The following FAM184A variants were observed in gnomAD, a reference collection of about 807,000 sequenced individuals.
FAM184A encodes family with sequence similarity 184 member A, also known as protein FAM184A.
A neutral mutation model predicts 143.8 loss-of-function variants in FAM184A; 99 were observed. The ratio of observed to expected loss-of-function variants is 0.69; its 90% CI spans 0.58 to 0.81. The LOEUF (loss-of-function observed/expected upper bound fraction) is 0.81, where lower values mean the gene tolerates loss of function less well. FAM184A is among the 40% of genes least tolerant of loss of function. FAM184A has a pLI of 0.00. For missense variants in FAM184A, 1,217 were observed against 1,310.5 expected (o/e 0.93, Z 1.10); for synonymous variants, 427 against 446.4 (o/e 0.96, Z 0.55).
chr6:119,123,514 G>T (rs1789282000), intron 1 of FAM184A, among the ~76,000 whole-genome samples: 1 of 152,174 alleles, frequency 6.6e-6, no homozygotes, highest in Admixed American at 6.5e-5. Flanking sequence ...AGCCAATAAT[G>T]ATTATAACTA....
At chr6:119,045,863 C>T (rs1242221502) in intron 1 of FAM184A, among the ~76,000 whole-genome samples, 1 of 152,098 alleles carries the variant, frequency 6.6e-6, no homozygotes, top group African/African-American at 2.4e-5. Flanking sequence ...ACTAATTATG[C>T]TTCTTTTTCT....
upstream of FAM184A, among the ~76,000 whole-genome samples, chr6:119,082,170 G>C (rs1788090743): frequency 6.6e-6 from 1 of 152,202 alleles, no homozygotes; most frequent in Admixed American, 6.5e-5. Context: ...ATTATTTGAA[G>C]GGACTATGCC....
intron 1 of FAM184A, among the ~76,000 whole-genome samples, chr6:119,050,758 T>C (rs1255677079): frequency 1.3e-5 from 2 of 151,632 alleles, no homozygotes; most frequent in African/African-American, 2.4e-5. Flanking sequence ...TGAGCCGAGA[T>C]TGCGCCACTG....
chr6:119,128,478 T>G (rs1789433594), intron 1 of FAM184A, among the ~76,000 whole-genome samples: 1 of 152,160 alleles, frequency 6.6e-6, no homozygotes, highest in Admixed American at 6.5e-5. Context: ...TGTTTGAGAC[T>G]CCTTCTAAGC....
intron 1 of FAM184A, among the ~76,000 whole-genome samples, chr6:119,133,186 T>C (rs1256743983): frequency 6.6e-6 from 1 of 152,180 alleles, no homozygotes; most frequent in Non-Finnish European, 1.5e-5. Flanking sequence ...TGACAAAGTG[T>C]TTGGTGCATA....
chr6:119,058,175 C>CCT (rs1787077831), intron 1 of FAM184A, among the ~76,000 whole-genome samples: 1 of 89,716 alleles, frequency 1.1e-5, no homozygotes, highest in Non-Finnish European at 2.1e-5. Flanking sequence ...CTCCTTCTCT[C>CCT]TTTTTTTTTT....
At chr6:119,033,664 C>CAA (rs532353203) in intron 1 of FAM184A, among the ~76,000 whole-genome samples, 17,048 of 109,876 alleles carry the variant, frequency 0.16, 1,291 homozygotes, top group Non-Finnish European at 0.19. Context: ...GACTCCGTCT[C>CAA]AAAAAAAAAA....
In FAM184A at chr6:119,006,561, G is replaced by A. The variant is rs750862105; in HGVS notation, c.1701C>T (p.Gly567=). The part of the protein sequence containing the change: ...DMVRKSEQGL[G]SAEGLIASLQ... ...GACTAGCAATAAGTCCTTCTGCAGA[G>A]CCAAGACCTTGTTCACTTTTCCTTA... Residue 567 remains glycine (G), a synonymous_variant, in exon 7 of 18, where the codon GGC becomes GGT. Coordinates refer to ENST00000338891, the MANE Select transcript of FAM184A (RefSeq NM_024581.6). 4 of 1,613,668 alleles carry A rather than the reference G, an allele frequency of 2.5e-6. No homozygotes were observed. In the African/African-American group the frequency reaches 5.3e-5, roughly 22 times the overall value.
At chr6:119,043,997 TA>T (rs1359680565) in intron 1 of FAM184A, among the ~76,000 whole-genome samples, 3 of 151,684 alleles carry the variant, frequency 2.0e-5, no homozygotes, top group Non-Finnish European at 4.4e-5. Context: ...AAGAAAACAA[TA>T]AAGATTAGAG....
intron 1 of FAM184A, among the ~76,000 whole-genome samples, chr6:119,059,080 TCCACCTCCCGGGTTCAAGCAATCCTC>T (rs1787122351): frequency 6.6e-6 from 1 of 152,144 alleles, no homozygotes; most frequent in Non-Finnish European, 1.5e-5. Context: ...CACTGCAACC[TCCACCTCCCGGGTTCAAGCAATCCTC>T]CCACCTCAGC....
At chr6:119,015,114 G>C (rs946581304) in intron 5 of FAM184A, among the ~76,000 whole-genome samples, 2 of 151,958 alleles carry the variant, frequency 1.3e-5, no homozygotes, top group African/African-American at 4.8e-5. Flanking sequence ...GCAAATCATT[G>C]CTCTACAATA....
chr6:119,136,180 AG>A (rs1459177657), intron 1 of FAM184A, among the ~76,000 whole-genome samples: 2 of 146,100 alleles, frequency 1.4e-5, no homozygotes. Context: ...CGGGAGGCTG[AG>A]GCAGGAGAAT....
intron 1 of FAM184A, among the ~76,000 whole-genome samples, chr6:119,030,348 T>G (rs1785822670): frequency 6.6e-6 from 1 of 152,136 alleles, no homozygotes; most frequent in Admixed American, 6.5e-5. Flanking sequence ...TAGTATCCTC[T>G]AATTGTTCAT....
intron 3 of FAM184A, among the ~76,000 whole-genome samples, chr6:119,021,882 G>A (rs889370733): frequency 1.3e-5 from 2 of 151,712 alleles, no homozygotes; most frequent in Non-Finnish European, 2.9e-5. Flanking sequence ...AAGCTGAAGT[G>A]GGAGGATCAC....
intron 1 of FAM184A, among the ~76,000 whole-genome samples, chr6:119,036,199 T>C (rs1786106516): frequency 8.4e-6 from 1 of 119,134 alleles, no homozygotes; most frequent in Non-Finnish European, 1.7e-5. Context: ...CGTCTTTTTT[T>C]CCCCTCGGTC....
intron 1 of FAM184A, among the ~76,000 whole-genome samples, chr6:119,035,296 A>G (rs1488986392): frequency 6.6e-6 from 1 of 152,166 alleles, no homozygotes; most frequent in Non-Finnish European, 1.5e-5. Flanking sequence ...AGAGGGGGTC[A>G]CACATACCTC....
intron 1 of FAM184A, among the ~76,000 whole-genome samples, chr6:119,033,312 A>C (rs941761238): frequency 6.6e-6 from 1 of 152,152 alleles, no homozygotes; most frequent in Non-Finnish European, 1.5e-5. Context: ...TTTACTGGTG[A>C]TCAATAACAG....
chr6:119,022,013 A>G (rs1785461516), intron 3 of FAM184A, among the ~76,000 whole-genome samples: 1 of 149,270 alleles, frequency 6.7e-6, no homozygotes. Context: ...TTTTTAAAGG[A>G]CAACACCTCT....
At chr6:119,022,837 A>T in intron 3 of FAM184A, 108 bp downstream of exon 3, 2 of 1,335,456 alleles carry the variant, frequency 1.5e-6, no homozygotes, top group Middle Eastern at 1.9e-4. Flanking sequence ...AGATTGAGCC[A>T]CTGCACTCCC....
Sources: allele counts gnomAD v4.1 joint callset (sites outside exome capture counted in the v4.1 genomes callset), GRCh38; gene constraint gnomAD v4.1.1; transcripts MANE v1.5; gene names NCBI Gene and HGNC (gene_info 2026-07-23, HGNC 2026-07-21).